CUX1: variants seen among roughly 807,000 people sequenced by gnomAD.
CUX1 encodes the protein protein CASP.
Under a neutral mutation model 158.8 loss-of-function variants are expected in CUX1, and 31 were observed. The ratio of observed to expected loss-of-function variants is 0.20; its 90% CI spans 0.15 to 0.26. The LOEUF (loss-of-function observed/expected upper bound fraction) is 0.26, where lower values mean the gene tolerates loss of function less well. Ranked by LOEUF, CUX1 falls within the 10% of genes least tolerant of loss-of-function variation. The pLI is 1.00. For synonymous variants in CUX1, 879 were observed against 862.1 expected (o/e 1.02, Z -0.34); for missense variants, 1,589 against 2,014.6 (o/e 0.79, Z 4.04).
At chr7:101,914,055 CTT>C (rs75163624) in intron 1 of CUX1, among the ~76,000 whole-genome samples, 5 of 145,046 alleles carry the variant, frequency 3.4e-5, no homozygotes, top group African/African-American at 7.5e-5. Flanking sequence ...TTCGGTTGCT[CTT>C]TTTTTTTTTT....
chr7:102,208,237 AGT>A (rs60400914), intron 20 of CUX1, among the ~76,000 whole-genome samples: 84,115 of 150,936 alleles, frequency 0.56, 23,741 homozygotes, highest in East Asian at 0.86. Context: ...CAGTATATGG[AGT>A]GTGTGTGTGT....
intron 9 of CUX1, among the ~76,000 whole-genome samples, chr7:102,158,887 C>G (rs1239730746): frequency 3.3e-5 from 5 of 152,256 alleles, no homozygotes; most frequent in Admixed American, 2.6e-4. Context: ...CTTTTCCCTA[C>G]TCCATCTCTA....
intron 1 of CUX1, among the ~76,000 whole-genome samples, chr7:101,863,432 C>T (rs1797665515): frequency 6.6e-6 from 1 of 151,398 alleles, no homozygotes; most frequent in African/African-American, 2.4e-5. Flanking sequence ...CTCACTGCAA[C>T]CTCTGCCTCT....
chr7:102,224,092 A>G (rs186978649), intron 20 of CUX1, among the ~76,000 whole-genome samples: 38 of 152,348 alleles, frequency 2.5e-4, no homozygotes, highest in African/African-American at 8.4e-4. Context: ...CATGTACTCA[A>G]TCCTGTTTCT....
intron 2 of CUX1, among the ~76,000 whole-genome samples, chr7:102,027,821 C>G (rs1415141074): frequency 6.6e-6 from 1 of 152,186 alleles, no homozygotes; most frequent in African/African-American, 2.4e-5. Context: ...AGGGTTGTGC[C>G]ACTGTGCTCC....
intron 23 of CUX1, among the ~76,000 whole-genome samples, chr7:102,244,845 C>T (rs1459042547): frequency 3.3e-5 from 5 of 152,158 alleles, no homozygotes; most frequent in Admixed American, 6.5e-5. Flanking sequence ...CGGCATTCTG[C>T]GAGCCTTGTG....
intron 5 of CUX1, among the ~76,000 whole-genome samples, chr7:102,098,807 ATTTTTTTTTTTTTTTTT>A (rs112048598): frequency 3.1e-4 from 21 of 68,000 alleles, no homozygotes; most frequent in African/African-American, 1.3e-3. Flanking sequence ...CGCCCAACTA[ATTTTTTTTTTTTTTTTT>A]TTTTTTTTTT....
intron 10 of CUX1, among the ~76,000 whole-genome samples, chr7:102,173,488 GCT>G (rs1554510997): frequency 6.6e-6 from 1 of 152,118 alleles, no homozygotes; most frequent in African/African-American, 2.4e-5. Flanking sequence ...TGTCCCCTTG[GCT>G]CTGTTACAGT....
At chr7:102,223,892 C>G (rs1175332365) in intron 20 of CUX1, among the ~76,000 whole-genome samples, 1 of 152,074 alleles carries the variant, frequency 6.6e-6, no homozygotes, top group Non-Finnish European at 1.5e-5. Flanking sequence ...TCGTTTGAAC[C>G]CGGGAGGCGG....
Position 102,227,461 on chromosome 7 carries a change from G to T in CUX1, c.3225G>T (p.Gln1075His), listed in dbSNP as rs555102141. ...ESVKSLTELV[Q>H]QPCPPIEASK... Reference sequence around the variant, plus strand: ...TGAAGAGCCTGACCGAGCTGGTCCAGCAGCCCTGTCCCCCCATCGAGGCGA... The same window carrying T: ...TGAAGAGCCTGACCGAGCTGGTCCATCAGCCCTGTCCCCCCATCGAGGCGA... The change falls in exon 21 of 24, where the codon CAG becomes CAT. Residue 1075 changes from glutamine to histidine, a missense_variant. Transcript: ENST00000292535. 6.2e-7 allele frequency: 1 copy of T among 1,614,084 alleles called. No homozygotes were observed. Among genetic ancestry groups the T allele is most frequent in the African/African-American group, 1.3e-5 (1 of 75,042 alleles).
At chr7:102,048,352 G>A (rs1052767949) in intron 3 of CUX1, among the ~76,000 whole-genome samples, 3 of 152,142 alleles carry the variant, frequency 2.0e-5, no homozygotes, top group African/African-American at 7.2e-5. Flanking sequence ...TCACACACTT[G>A]TCCAGCCACC....
intron 1 of CUX1, among the ~76,000 whole-genome samples, chr7:101,853,585 GT>G (rs760938766): frequency 0.22 from 5,942 of 27,480 alleles, 174 homozygotes; most frequent in Middle Eastern, 0.33. Flanking sequence ...AATAGAAAGG[GT>G]GTGTGTGTGT....
intron 3 of CUX1, among the ~76,000 whole-genome samples, chr7:102,035,525 G>A (rs1205842765): frequency 6.6e-6 from 1 of 151,654 alleles, no homozygotes; most frequent in Non-Finnish European, 1.5e-5. Flanking sequence ...CATTTTTCAA[G>A]TGAGCCTCAA....
At chr7:102,142,376 G>A (rs1834554803) in intron 8 of CUX1, among the ~76,000 whole-genome samples, 1 of 152,146 alleles carries the variant, frequency 6.6e-6, no homozygotes, top group South Asian at 2.1e-4. Flanking sequence ...AGGTTTGCTG[G>A]CGAAGTTTCA....
chr7:102,212,543 A>AT (rs1375963817), intron 20 of CUX1, among the ~76,000 whole-genome samples: 1 of 152,132 alleles, frequency 6.6e-6, no homozygotes, highest in East Asian at 1.9e-4. Flanking sequence ...GATTTGCAGG[A>AT]TTTTTTCCAA....
chr7:102,022,638 A>T (rs4729767), intron 2 of CUX1, among the ~76,000 whole-genome samples: 84,997 of 150,386 alleles, frequency 0.57, 25,194 homozygotes, highest in East Asian at 0.98. Flanking sequence ...AGAAAAGAAA[A>T]AGAAAAGAAT....
chr7:102,176,651 GCCTCAACCT>G (rs1298109959), intron 10 of CUX1, among the ~76,000 whole-genome samples: 3 of 133,574 alleles, frequency 2.2e-5, no homozygotes, highest in Non-Finnish European at 4.6e-5. Context: ...GCCCACTGCA[GCCTCAACCT>G]CCTCAAGCTC....
At chr7:102,106,501 C>CTTTCTATAAAACAG (rs1409442129) in intron 6 of CUX1, among the ~76,000 whole-genome samples, 1 of 152,158 alleles carries the variant, frequency 6.6e-6, no homozygotes, top group Non-Finnish European at 1.5e-5. Flanking sequence ...AGAGAAGCAG[C>CTTTCTATAAAACAG]TTTCTATAAA....
chr7:102,067,454 T>C (rs982143800), intron 3 of CUX1, among the ~76,000 whole-genome samples: 8 of 151,634 alleles, frequency 5.3e-5, no homozygotes, highest in Non-Finnish European at 1.2e-4. Context: ...ACCAGGCTGG[T>C]CTTAAACTCT....
Sources: allele counts gnomAD v4.1 joint callset (sites outside exome capture counted in the v4.1 genomes callset), GRCh38; gene constraint gnomAD v4.1.1; transcripts MANE v1.5; gene names NCBI Gene and HGNC (gene_info 2026-07-23, HGNC 2026-07-21).